Variants in ESYT2 observed in about 807,000 individuals in gnomAD.
ESYT2 encodes the protein extended synaptotagmin 2.
ESYT2 carries 54 observed loss-of-function variants against 107.2 expected under a neutral mutation model. The observed-to-expected ratio is 0.50, with a 90% CI of 0.40 to 0.63. The LOEUF is 0.63. ESYT2 is among the 30% of genes least tolerant of loss of function. The probability of loss-of-function intolerance (pLI) is 0.00; values close to 1 mark genes in which losing one functional copy is unlikely to be tolerated. For synonymous variants in ESYT2, 491 were observed against 434.1 expected (o/e 1.13, Z -1.63); for missense variants, 1,020 against 1,094.5 (o/e 0.93, Z 0.96).
At chr7:158,737,864 TAAAAGG>T (rs1478939401) in intron 19 of ESYT2, among the ~76,000 whole-genome samples, 2 of 152,288 alleles carry the variant, frequency 1.3e-5, no homozygotes, top group South Asian at 4.1e-4. Context: ...GAAAATTGCA[TAAAAGG>T]AAAATAGTTC....
chr7:158,749,175 C>T (rs989870196), intron 15 of ESYT2, among the ~76,000 whole-genome samples: 7 of 152,092 alleles, frequency 4.6e-5, no homozygotes, highest in Admixed American at 1.3e-4. Context: ...AGTGCAATCT[C>T]GGCTCACTGC....
At chr7:158,802,054 T>C (rs532160230) in intron 1 of ESYT2, among the ~76,000 whole-genome samples, 14 of 152,312 alleles carry the variant, frequency 9.2e-5, no homozygotes, top group Non-Finnish European at 1.8e-4. Flanking sequence ...CTTCCTGCTA[T>C]GCCCTGCTGA....
chr7:158,768,698 G>GT (rs972292849), intron 7 of ESYT2, among the ~76,000 whole-genome samples: 1 of 152,176 alleles, frequency 6.6e-6, no homozygotes, highest in East Asian at 1.9e-4. Context: ...GATTATAGGC[G>GT]TAAGCCACCA....
chr7:158,769,454 C>T (rs147873129), intron 7 of ESYT2, among the ~76,000 whole-genome samples: 21 of 152,350 alleles, frequency 1.4e-4, no homozygotes, highest in Admixed American at 2.6e-4. Context: ...CACCCCACTA[C>T]ACCCTGCATG....
intron 1 of ESYT2, among the ~76,000 whole-genome samples, chr7:158,823,030 C>A (rs185213992): frequency 6.6e-6 from 1 of 151,766 alleles, no homozygotes; most frequent in Non-Finnish European, 1.5e-5. Flanking sequence ...TGGTGGCTCA[C>A]GCCTGTAATC....
At chr7:158,796,913 G>A (rs9690951) in intron 3 of ESYT2, among the ~76,000 whole-genome samples, 2 of 142,512 alleles carry the variant, frequency 1.4e-5, no homozygotes, top group African/African-American at 5.2e-5. Context: ...CGACAGAGAC[G>A]GGAAAAGGCA....
Position 158,805,609 on chromosome 7 carries a change from G to A in ESYT2, c.331-6537C>T, listed in dbSNP as rs565024230. On this transcript the variant is annotated intron_variant, in intron 1 of 22. Transcript: ENST00000275418. ...GATCTTTTCCAAAATCCACAAGGTT[G>A]TAATTTTCTCTGTGGTTTATGGGCT... Among the ~76,000 whole-genome samples the A allele has an allele frequency of 4.6e-5, 7 of 152,290 alleles. No homozygotes were observed. In the East Asian group the frequency reaches 1.4e-3, roughly 29 times the overall value.
intron 4 of ESYT2, among the ~76,000 whole-genome samples, chr7:158,790,366 C>T (rs548921047): frequency 1.3e-5 from 2 of 152,268 alleles, no homozygotes; most frequent in East Asian, 3.9e-4. Flanking sequence ...TCTGAGTGCA[C>T]AGTACTCACT....
At chr7:158,805,108 G>A (rs1194612038) in intron 1 of ESYT2, among the ~76,000 whole-genome samples, 1 of 152,206 alleles carries the variant, frequency 6.6e-6, no homozygotes, top group East Asian at 1.9e-4. Context: ...GGGGATCTCT[G>A]CTCGTCCCCA....
In ESYT2 at chr7:158,804,280, GCGCGACAAACCCAAAC is replaced by G. The variant is rs1296582361; in HGVS notation, c.331-5224_331-5209del. Among the ~76,000 whole-genome samples, 64 of 80,384 alleles carry G rather than the reference GCGCGACAAACCCAAAC, an allele frequency of 8.0e-4. 1 individual carries two copies. The highest frequency in any genetic ancestry group is 3.6e-3 in the African/African-American group (59 of 16,536). 52.7% of individuals were successfully genotyped at this position (80,384 alleles called of 152,430 possible). A position where few individuals can be genotyped will look rare whatever the true frequency, so the allele number is the denominator to read the frequency against. On this transcript the variant is annotated intron_variant, in intron 1 of 22. Transcript: ENST00000275418. ...CCCAAACCGCCGAGAAGGGTGAGGC[GCGCGACAAACCCAAAC>G]CGTCGAGAAGGGTGAGGCGCGCGAC...
intron 7 of ESYT2, among the ~76,000 whole-genome samples, 171 bp from the exon 8 acceptor site, chr7:158,767,945 C>T (rs899258411): frequency 6.6e-6 from 1 of 152,184 alleles, no homozygotes; most frequent in African/African-American, 2.4e-5. Flanking sequence ...AATTCTTTAG[C>T]TGTGATACCA....
At chr7:158,795,549 G>C (rs1482487092) in intron 3 of ESYT2, among the ~76,000 whole-genome samples, 1 of 152,182 alleles carries the variant, frequency 6.6e-6, no homozygotes, top group Middle Eastern at 3.2e-3. Flanking sequence ...TAGAAGAAGG[G>C]AGGGAGAGAC....
chr7:158,784,177 T>A (rs1237689871), intron 6 of ESYT2, among the ~76,000 whole-genome samples: 1 of 152,076 alleles, frequency 6.6e-6, no homozygotes, highest in Non-Finnish European at 1.5e-5. Context: ...CAAAATAATA[T>A]AAACATCAAA....
intron 20 of ESYT2, among the ~76,000 whole-genome samples, 159 bp downstream of exon 20, chr7:158,736,889 T>C (rs1836974331): frequency 6.6e-6 from 1 of 152,196 alleles, no homozygotes; most frequent in Non-Finnish European, 1.5e-5. Flanking sequence ...GTCAAAATGC[T>C]TATTTGTTTT....
At chr7:158,826,179 C>CT (rs1563045018) in intron 1 of ESYT2, among the ~76,000 whole-genome samples, 1 of 152,158 alleles carries the variant, frequency 6.6e-6, no homozygotes, top group Non-Finnish European at 1.5e-5. Context: ...ATGCAACCTG[C>CT]TGGTTTTATT....
chr7:158,829,091 A>C lies in ESYT2; in HGVS notation c.328T>G (p.Trp110Gly). 1 of 1,583,270 alleles carries C rather than the reference A, an allele frequency of 6.3e-7. No homozygotes were observed. Among genetic ancestry groups the C allele is most frequent in the Non-Finnish European group, 8.5e-7 (1 of 1,173,864 alleles). ...LGVRACDLPA[W>G]VHFPDTERAE... ...GACGGGCAGGGGTCTGCACTCACCC[A>C]GGCGGGCAGGTCGCAGGCGCGCACC... Residue 110 changes from tryptophan (W) to glycine (G), a missense_variant and splice_region_variant, in exon 1 of 23, where the codon TGG becomes GGG. Coordinates refer to ENST00000275418, the MANE Select transcript of ESYT2 (RefSeq NM_001367773.1).
intron 11 of ESYT2, 22 bp from the exon 12 acceptor site, chr7:158,760,169 G>T (rs766712823): frequency 1.2e-6 from 2 of 1,606,370 alleles, no homozygotes; most frequent in African/African-American, 2.7e-5. Flanking sequence ...AAATGTTTAC[G>T]TTCAGCAAAA....
chr7:158,748,452 C>A (rs1486869442), intron 15 of ESYT2, among the ~76,000 whole-genome samples, 172 bp from the exon 16 acceptor site: 3 of 152,148 alleles, frequency 2.0e-5, no homozygotes, highest in East Asian at 3.9e-4. Flanking sequence ...CAGGTATGCA[C>A]TATTATGTAT....
chr7:158,825,208 G>T (rs988031617), intron 1 of ESYT2, among the ~76,000 whole-genome samples: 1 of 152,176 alleles, frequency 6.6e-6, no homozygotes, highest in Non-Finnish European at 1.5e-5. Flanking sequence ...CAGGAGAGTC[G>T]CTTAAACCCG....
Sources: allele counts gnomAD v4.1 joint callset (sites outside exome capture counted in the v4.1 genomes callset), GRCh38; gene constraint gnomAD v4.1.1; transcripts MANE v1.5; gene names NCBI Gene and HGNC (gene_info 2026-07-23, HGNC 2026-07-21).